Variants in NTRK2 observed in about 807,000 individuals in gnomAD.
NTRK2 encodes the protein BDNF/NT-3 growth factors receptor.
NTRK2 carries 13 observed loss-of-function variants against 94.5 expected under a neutral mutation model. That is an observed-to-expected ratio of 0.14 (90% CI 0.09 to 0.22). NTRK2 has a LOEUF of 0.22. NTRK2 is among the 10% of genes least tolerant of loss of function. The pLI is 1.00. For missense variants in NTRK2, 639 were observed against 1,071.2 expected, an observed-to-expected ratio of 0.60 and a Z score of 5.63; for synonymous variants, 372 against 407.4, an observed-to-expected ratio of 0.91 and a Z score of 1.05.
intron 14 of NTRK2, among the ~76,000 whole-genome samples, chr9:84,895,639 G>T (rs1486545271): frequency 6.6e-6 from 1 of 152,192 alleles, no homozygotes; most frequent in Non-Finnish European, 1.5e-5. Flanking sequence ...ACCCCTGATG[G>T]CATTCAATTA....
intron 12 of NTRK2, chr9:84,811,735 T>A (rs201989319): frequency 9.4e-7 from 1 of 1,065,714 alleles, no homozygotes. Flanking sequence ...TGCTTTATAA[T>A]GTCCTTCTTC....
At chr9:84,936,629 C>G (rs1320963941) in intron 15 of NTRK2, among the ~76,000 whole-genome samples, 1 of 152,028 alleles carries the variant, frequency 6.6e-6, no homozygotes, top group African/African-American at 2.4e-5. Flanking sequence ...AAGTAATGAC[C>G]TATGATGAGT....
At chr9:84,980,488 A>G (rs1827450849) in intron 17 of NTRK2, among the ~76,000 whole-genome samples, 1 of 152,236 alleles carries the variant, frequency 6.6e-6, no homozygotes, top group Admixed American at 6.5e-5. Context: ...TCACCAATAC[A>G]TGAACATTAC....
intron 15 of NTRK2, among the ~76,000 whole-genome samples, chr9:84,939,950 C>A (rs11140808): frequency 6.6e-6 from 1 of 152,162 alleles, no homozygotes; most frequent in African/African-American, 2.4e-5. Context: ...AGATCTTGCC[C>A]TCCCAGCAAC....
chr9:84,965,437 G>A (rs571795300), intron 17 of NTRK2, among the ~76,000 whole-genome samples: 1 of 152,366 alleles, frequency 6.6e-6, no homozygotes, highest in South Asian at 2.1e-4. Context: ...ATGGAGAGCA[G>A]AGATAAACTG....
chr9:84,744,928 A>C (rs1171069685), intron 10 of NTRK2, 45 bp from the exon 11 acceptor site: 1 of 1,354,562 alleles, frequency 7.4e-7, no homozygotes, highest in South Asian at 1.2e-5. Flanking sequence ...TGGCAGCTTA[A>C]TGACAACTTC....
At chr9:84,953,475 A>C (rs2132948872) in intron 16 of NTRK2, among the ~76,000 whole-genome samples, 1 of 152,296 alleles carries the variant, frequency 6.6e-6, no homozygotes, top group Non-Finnish European at 1.5e-5. Flanking sequence ...TCACACAGCA[A>C]GTGTAGGACA....
intron 17 of NTRK2, among the ~76,000 whole-genome samples, chr9:84,969,312 C>T (rs1358763071): frequency 1.3e-5 from 2 of 152,214 alleles, no homozygotes; most frequent in Non-Finnish European, 2.9e-5. Flanking sequence ...CATTCTGAGT[C>T]ATATGTATTT....
chr9:84,830,413 G>C (rs2073465981), intron 12 of NTRK2, among the ~76,000 whole-genome samples: 1 of 152,130 alleles, frequency 6.6e-6, no homozygotes, highest in Admixed American at 6.5e-5. Flanking sequence ...TTCCCAATAA[G>C]TAGCTGTTAG....
intron 14 of NTRK2, among the ~76,000 whole-genome samples, chr9:84,898,003 T>G (rs2076810273): frequency 6.6e-6 from 1 of 151,484 alleles, no homozygotes; most frequent in Non-Finnish European, 1.5e-5. Flanking sequence ...CAAGGAAATC[T>G]GGAGGCAGAA....
intron 12 of NTRK2, chr9:84,810,669 T>A: frequency 1.2e-6 from 2 of 1,607,018 alleles, no homozygotes. Flanking sequence ...TGCTGTTGGC[T>A]TATCCCGGGA....
intron 12 of NTRK2, among the ~76,000 whole-genome samples, chr9:84,781,602 T>C (rs1252590690): frequency 2.6e-5 from 4 of 152,176 alleles, no homozygotes; most frequent in Non-Finnish European, 5.9e-5. Context: ...ACAATACCTA[T>C]TTTCAATGAG....
intron 12 of NTRK2, among the ~76,000 whole-genome samples, chr9:84,846,451 A>C (rs148218399): frequency 6.6e-6 from 1 of 152,158 alleles, no homozygotes; most frequent in African/African-American, 2.4e-5. Context: ...CTCATTTTTC[A>C]TGATTCTTTA....
intron 17 of NTRK2, among the ~76,000 whole-genome samples, chr9:84,963,808 T>G (rs912742446): frequency 2.6e-5 from 4 of 152,220 alleles, no homozygotes; most frequent in Admixed American, 2.0e-4. Context: ...GTGTGTTTCA[T>G]TTTGGATAGT....
chr9:84,979,535 T>G (rs564880436), intron 17 of NTRK2, among the ~76,000 whole-genome samples: 38 of 152,364 alleles, frequency 2.5e-4, no homozygotes, highest in Middle Eastern at 3.4e-3. Context: ...TGGAATCTAT[T>G]CCTGGTGAAG....
At chr9:84,980,283 A>AT (rs1040320498) in intron 17 of NTRK2, among the ~76,000 whole-genome samples, 3 of 151,992 alleles carry the variant, frequency 2.0e-5, no homozygotes, top group Non-Finnish European at 2.9e-5. Flanking sequence ...GGACTTTTAG[A>AT]TTTTTTCTGT....
chr9:84,951,353 A>G (rs115779138), intron 16 of NTRK2, among the ~76,000 whole-genome samples: 1,962 of 152,330 alleles, frequency 0.013, 36 homozygotes, highest in African/African-American at 0.045. Flanking sequence ...CATGAAAGGA[A>G]GAAAAAAGCT....
At chr9:84,891,638 C>T (rs564659535) in intron 14 of NTRK2, among the ~76,000 whole-genome samples, 28 of 152,242 alleles carry the variant, frequency 1.8e-4, no homozygotes, top group Admixed American at 3.9e-4. Context: ...CCCAGTAGGG[C>T]GGATCTGGGA....
At chr9:84,670,336 G>A (rs201435815) in intron 1 of NTRK2, 41 bp from the exon 2 acceptor site, 3 of 314,494 alleles carry the variant, frequency 9.5e-6, no homozygotes, top group African/African-American at 6.5e-5. Flanking sequence ...GTGGTGTTGG[G>A]GGTCCTACGC....
Sources: gnomAD v4.1 joint callset for allele counts (sites outside exome capture counted in the v4.1 genomes callset) on GRCh38, gnomAD v4.1.1 for gene constraint, MANE v1.5 for transcripts, NCBI Gene and HGNC (gene_info 2026-07-23, HGNC 2026-07-21) for gene names.